Variants in ATXN1 observed in about 807,000 individuals in gnomAD.
ATXN1 encodes ataxin-1.
Under a neutral mutation model 56.4 loss-of-function variants are expected in ATXN1, and 8 were observed. That is an observed-to-expected ratio of 0.14 (90% CI 0.08 to 0.26). The LOEUF is 0.26. Among genes scored for constraint, ATXN1 ranks in the 10% least tolerant of loss-of-function variants. The probability of loss-of-function intolerance (pLI) is 1.00; values close to 1 mark genes in which losing one functional copy is unlikely to be tolerated. For missense variants in ATXN1, 987 were observed against 1,106.5 expected (o/e 0.89, Z 1.53); for synonymous variants, 514 against 494.6 (o/e 1.04, Z -0.52).
At chr6:16,308,801 T>A (rs998170560) in intron 7 of ATXN1, among the ~76,000 whole-genome samples, 14 of 152,128 alleles carry the variant, frequency 9.2e-5, no homozygotes, top group Non-Finnish European at 1.5e-5. Flanking sequence ...AAATATCAGA[T>A]CTTAAAAAAG....
intron 4 of ATXN1, among the ~76,000 whole-genome samples, chr6:16,531,484 G>A (rs1028989698): frequency 1.4e-4 from 21 of 152,088 alleles, no homozygotes; most frequent in Non-Finnish European, 2.4e-4. Flanking sequence ...TGAGCTGGGC[G>A]TGGTGGCAGA....
intron 3 of ATXN1, among the ~76,000 whole-genome samples, chr6:16,610,908 G>A (rs911982652): frequency 1.3e-5 from 2 of 151,494 alleles, no homozygotes; most frequent in Admixed American, 6.6e-5. Context: ...CTGTGTGCCT[G>A]TAGTCCCAGC....
intron 6 of ATXN1, among the ~76,000 whole-genome samples, chr6:16,364,869 C>T (rs1046900520): frequency 6.6e-6 from 1 of 152,168 alleles, no homozygotes; most frequent in African/African-American, 2.4e-5. Context: ...TGACTTGGTG[C>T]CTTGTCTCCT....
chr6:16,347,471 G>A (rs1385782264), intron 6 of ATXN1, among the ~76,000 whole-genome samples: 1 of 152,000 alleles, frequency 6.6e-6, no homozygotes, highest in Non-Finnish European at 1.5e-5. Context: ...CTCTGGTGGG[G>A]ACTTGGAGAA....
At chr6:16,667,671 T>C (rs990615467) in intron 2 of ATXN1, 1 of 152,200 alleles carries the variant, frequency 6.6e-6, no homozygotes, top group Non-Finnish European at 1.5e-5. Flanking sequence ...ATGCCAGTCA[T>C]CTCTAAGGCA....
At chr6:16,331,235 A>C (rs572857542) in intron 6 of ATXN1, among the ~76,000 whole-genome samples, 1 of 152,308 alleles carries the variant, frequency 6.6e-6, no homozygotes, top group East Asian at 1.9e-4. Flanking sequence ...TCCTGACCTC[A>C]AATGATCCAC....
At chr6:16,580,399 T>C (rs1762507297) in intron 4 of ATXN1, among the ~76,000 whole-genome samples, 1 of 152,218 alleles carries the variant, frequency 6.6e-6, no homozygotes. Flanking sequence ...TGTATGAAAG[T>C]TGGATTTCTA....
At chr6:16,714,181 CCACACACACACACACACACA>C (rs70999343) in intron 2 of ATXN1, among the ~76,000 whole-genome samples, 25 of 137,628 alleles carry the variant, frequency 1.8e-4, no homozygotes, top group Non-Finnish European at 2.8e-4. Context: ...AAACCACACA[CCACACACACACACACACACA>C]CACACACACA....
chr6:16,451,562 C>T (rs369306784), intron 6 of ATXN1, among the ~76,000 whole-genome samples: 161 of 152,158 alleles, frequency 1.1e-3, no homozygotes, highest in African/African-American at 3.3e-3. Context: ...TGGAGACCAG[C>T]CCGACCAACA....
At chr6:16,323,525 C>CA (rs35308265) in intron 7 of ATXN1, among the ~76,000 whole-genome samples, 641 of 48,856 alleles carry the variant, frequency 0.013, 37 homozygotes, top group African/African-American at 0.021. Context: ...ACTCTGTCTC[C>CA]AAAAAAAAAA....
intron 4 of ATXN1, among the ~76,000 whole-genome samples, chr6:16,581,252 C>T (rs899643373): frequency 1.4e-5 from 2 of 143,366 alleles, no homozygotes; most frequent in Non-Finnish European, 3.1e-5. Flanking sequence ...TGTGTGTGTG[C>T]TGGGTGGGTG....
intron 7 of ATXN1, among the ~76,000 whole-genome samples, chr6:16,307,068 T>G (rs1760269101): frequency 6.6e-6 from 1 of 152,202 alleles, no homozygotes; most frequent in South Asian, 2.1e-4. Context: ...GTACCTCTAC[T>G]TGCCATAGGC....
chr6:16,512,377 C>T (rs1761100407), intron 5 of ATXN1, among the ~76,000 whole-genome samples: 1 of 152,186 alleles, frequency 6.6e-6, no homozygotes, highest in Non-Finnish European at 1.5e-5. Context: ...TCTCAAATCA[C>T]CCCTCAGCTC....
At chr6:16,449,247 A>T (rs1417134355) in intron 6 of ATXN1, among the ~76,000 whole-genome samples, 1 of 152,216 alleles carries the variant, frequency 6.6e-6, no homozygotes, top group Non-Finnish European at 1.5e-5. Flanking sequence ...TTAACGGCCA[A>T]GACCAGACAA....
At chr6:16,612,414 T>C (rs913767003) in intron 3 of ATXN1, among the ~76,000 whole-genome samples, 2 of 152,034 alleles carry the variant, frequency 1.3e-5, no homozygotes, top group African/African-American at 2.4e-5. Context: ...ACTTGTACAT[T>C]CAAAAAGAAT....
intron 4 of ATXN1, among the ~76,000 whole-genome samples, chr6:16,530,342 G>T (rs746098799): frequency 1.3e-5 from 2 of 152,122 alleles, no homozygotes; most frequent in Non-Finnish European, 2.9e-5. Context: ...GTGAAAAAAG[G>T]TCAAATTGTC....
intron 3 of ATXN1, among the ~76,000 whole-genome samples, chr6:16,620,811 T>C (rs1763306904): frequency 6.6e-6 from 1 of 152,188 alleles, no homozygotes; most frequent in Non-Finnish European, 1.5e-5. Flanking sequence ...GCATAAGTTC[T>C]AGGACCCCCA....
chr6:16,716,808 G>A (rs1193627312), intron 2 of ATXN1, among the ~76,000 whole-genome samples: 1 of 152,176 alleles, frequency 6.6e-6, no homozygotes, highest in African/African-American at 2.4e-5. Context: ...GAACAGGCTG[G>A]ATTTGGCCCA....
chr6:16,521,128 A>AAAAC (rs1325166266), intron 5 of ATXN1, among the ~76,000 whole-genome samples: 24 of 152,300 alleles, frequency 1.6e-4, no homozygotes, highest in Admixed American at 3.9e-4. Context: ...GATGTCTAAA[A>AAAAC]AAACAAACAA....
Sources: allele counts gnomAD v4.1 joint callset (sites outside exome capture counted in the v4.1 genomes callset), GRCh38; gene constraint gnomAD v4.1.1; transcripts MANE v1.5; gene names NCBI Gene and HGNC (gene_info 2026-07-23, HGNC 2026-07-21).